The following DCDC1 variants were observed in gnomAD, a reference collection of about 807,000 sequenced individuals.
DCDC1 encodes the protein doublecortin domain containing 1, also known as doublecortin domain-containing protein 1.
DCDC1 carries 200 observed loss-of-function variants against 178.3 expected under a neutral mutation model. The ratio of observed to expected loss-of-function variants is 1.12; its 90% CI spans 1.00 to 1.26. The LOEUF (loss-of-function observed/expected upper bound fraction) is 1.26. Ranked by LOEUF, DCDC1 falls within the 50% of genes most tolerant of loss-of-function variation. DCDC1 has a pLI of 0.00. For synonymous variants in DCDC1, 690 were observed against 604.8 expected, an observed-to-expected ratio of 1.14 and a Z score of -2.07; for missense variants, 1,983 against 1,749.2, an observed-to-expected ratio of 1.13 and a Z score of -2.38.
At chr11:31,363,875 TTTGA>T (rs766744443) in intron 1 of DCDC1, among the ~76,000 whole-genome samples, 1 of 152,170 alleles carries the variant, frequency 6.6e-6, no homozygotes, top group Non-Finnish European at 1.5e-5. Context: ...CTTAGGATGG[TTTGA>T]TTAACAATTT....
chr11:30,918,417 A>G (rs1003636125), intron 25 of DCDC1, among the ~76,000 whole-genome samples: 1 of 152,232 alleles, frequency 6.6e-6, no homozygotes, highest in Non-Finnish European at 1.5e-5. Context: ...CGGAGTTTAC[A>G]TTCTAGTGGG....
chr11:30,944,165 C>T (rs571986150), intron 21 of DCDC1: 1 of 358,768 alleles, frequency 2.8e-6, no homozygotes, highest in African/African-American at 2.1e-5. Flanking sequence ...ATTTCTGGAA[C>T]ACCAAACTTT....
chr11:30,958,819 A>C (rs987827615), intron 20 of DCDC1, among the ~76,000 whole-genome samples: 11 of 152,072 alleles, frequency 7.2e-5, no homozygotes, highest in Non-Finnish European at 1.5e-4. Context: ...TCTTCCACTG[A>C]CCTGGGGAGT....
At chr11:31,250,336 C>T (rs1943893202) in intron 8 of DCDC1, among the ~76,000 whole-genome samples, 1 of 145,574 alleles carries the variant, frequency 6.9e-6, no homozygotes, top group African/African-American at 2.6e-5. Flanking sequence ...TGCCTTGGCT[C>T]ACAATTTCTT....
chr11:31,142,286 G>T (rs1404922679), intron 9 of DCDC1, among the ~76,000 whole-genome samples: 1 of 152,184 alleles, frequency 6.6e-6, no homozygotes, highest in Non-Finnish European at 1.5e-5. Flanking sequence ...TTTCAAATTG[G>T]ATAGGACTGA....
intron 33 of DCDC1, among the ~76,000 whole-genome samples, chr11:30,900,142 G>GA (rs1237298535): frequency 3.9e-5 from 6 of 152,130 alleles, no homozygotes; most frequent in East Asian, 3.9e-4. Context: ...ATTCCAGTAA[G>GA]AAAAAAACAG....
At chr11:30,985,406 C>A (rs943659954) in intron 20 of DCDC1, among the ~76,000 whole-genome samples, 1 of 152,136 alleles carries the variant, frequency 6.6e-6, no homozygotes, top group Non-Finnish European at 1.5e-5. Context: ...TGTTAAAACA[C>A]TGCAGTATGT....
chr11:31,292,814 G>C (rs1591662905), intron 6 of DCDC1, among the ~76,000 whole-genome samples: 2 of 151,396 alleles, frequency 1.3e-5, no homozygotes. Flanking sequence ...GAGGTCCATA[G>C]GTGCTGATCA....
In DCDC1 at chr11:31,060,668, T is replaced by G. The variant is rs149405538; in HGVS notation, c.2591+3801A>C. Among the ~76,000 whole-genome samples the G allele has an allele frequency of 2.0e-3, 303 of 152,268 alleles. 1 individual carries two copies. The highest frequency in any genetic ancestry group is 7.0e-3 in the African/African-American group (291 of 41,568). Reference sequence around the variant, plus strand: ...TACATTTAAAATGCTCTTCATAACTTGTATTGATTTTTGTCCTAATGCAAA... The same window carrying G: ...TACATTTAAAATGCTCTTCATAACTGGTATTGATTTTTGTCCTAATGCAAA... On this transcript the variant is annotated intron_variant, in intron 20 of 38. Coordinates refer to ENST00000684477, the MANE Select transcript of DCDC1 (RefSeq NM_001387274.1).
rs547258435 is a variant in DCDC1, at chr11:31,252,346, T to A, written c.1055-10730A>T. Reference sequence around the variant, plus strand: ...GGTAGAAGTTTAGTAGGAATTCATATGTAAAGATCTGTTCTCACATCTAAA... The same window carrying A: ...GGTAGAAGTTTAGTAGGAATTCATAAGTAAAGATCTGTTCTCACATCTAAA... On this transcript the variant is annotated intron_variant, in intron 8 of 38. Coordinates refer to ENST00000684477, the MANE Select transcript of DCDC1 (RefSeq NM_001387274.1). Among the ~76,000 whole-genome samples the A allele has an allele frequency of 8.1e-4, 124 of 152,316 alleles. 1 individual carries two copies. The highest frequency in any genetic ancestry group is 1.7e-3 in the South Asian group (8 of 4,828).
chr11:31,079,400 C>T (rs1468873384), intron 17 of DCDC1, among the ~76,000 whole-genome samples: 1 of 152,128 alleles, frequency 6.6e-6, no homozygotes, highest in Non-Finnish European at 1.5e-5. Flanking sequence ...TTTATCATAT[C>T]CTTCATAATA....
chr11:31,118,299 GAAACTAA>G (rs1259662877), intron 11 of DCDC1, among the ~76,000 whole-genome samples: 1 of 152,032 alleles, frequency 6.6e-6, no homozygotes, highest in Non-Finnish European at 1.5e-5. Flanking sequence ...AGTATCCTGA[GAAACTAA>G]AAGCTGTACA....
chr11:30,916,220 A>G (rs1945826190), intron 26 of DCDC1, among the ~76,000 whole-genome samples: 1 of 152,198 alleles, frequency 6.6e-6, no homozygotes, highest in African/African-American at 2.4e-5. Context: ...AATAATTTAA[A>G]TGACTGTCTT....
intron 20 of DCDC1, among the ~76,000 whole-genome samples, chr11:31,023,971 C>T (rs117867358): frequency 0.025 from 3,827 of 151,854 alleles, 78 homozygotes; most frequent in Non-Finnish European, 0.034. Flanking sequence ...GTACCTAAAA[C>T]AATAGGACAA....
chr11:30,867,611 A>C (rs1220653587), intron 38 of DCDC1, among the ~76,000 whole-genome samples: 1 of 152,160 alleles, frequency 6.6e-6, no homozygotes, highest in East Asian at 1.9e-4. Flanking sequence ...AAGTCCAGGA[A>C]TCTTTCCCTG....
At chr11:31,030,533 C>A (rs1205238459) in intron 20 of DCDC1, among the ~76,000 whole-genome samples, 3 of 152,142 alleles carry the variant, frequency 2.0e-5, no homozygotes, top group African/African-American at 7.2e-5. Context: ...TAAGCCTGGG[C>A]CCCCAGCTGA....
chr11:30,942,215 T>C (rs1055950453), intron 21 of DCDC1, among the ~76,000 whole-genome samples: 1 of 152,210 alleles, frequency 6.6e-6, no homozygotes, highest in South Asian at 2.1e-4. Flanking sequence ...AACTTCATTG[T>C]ATATTTTTAT....
intron 20 of DCDC1, among the ~76,000 whole-genome samples, chr11:30,988,728 G>A (rs948232677): frequency 6.6e-6 from 1 of 152,006 alleles, no homozygotes; most frequent in Non-Finnish European, 1.5e-5. Context: ...GAAAAAAAAC[G>A]CAAAAAAATC....
chr11:31,120,298 G>C (rs1960606738), intron 11 of DCDC1, among the ~76,000 whole-genome samples: 1 of 152,074 alleles, frequency 6.6e-6, no homozygotes, highest in East Asian at 1.9e-4. Flanking sequence ...TTATTATCCA[G>C]GTTACTAAAT....
Sources: gnomAD v4.1 joint callset for allele counts (sites outside exome capture counted in the v4.1 genomes callset) on GRCh38, gnomAD v4.1.1 for gene constraint, MANE v1.5 for transcripts, NCBI Gene and HGNC (gene_info 2026-07-23, HGNC 2026-07-21) for gene names.